The following AMPD1 variants were observed in gnomAD, a reference collection of about 807,000 sequenced individuals.
AMPD1 encodes the protein AMP deaminase 1.
AMPD1 carries 74 observed loss-of-function variants against 82.9 expected under a neutral mutation model. The ratio of observed to expected loss-of-function variants is 0.89; its 90% CI spans 0.74 to 1.08. The LOEUF (loss-of-function observed/expected upper bound fraction) is 1.08. Among genes scored for constraint, AMPD1 ranks in the 50% least tolerant of loss-of-function variants. AMPD1 has a pLI of 0.00. For synonymous variants in AMPD1, 333 were observed against 320.5 expected (o/e 1.04, Z -0.42); for missense variants, 881 against 924.5 (o/e 0.95, Z 0.61).
rs1191384329 is a variant in AMPD1, at chr1:114,674,780, T to G, written c.1772A>C (p.Asp591Ala). The change falls in exon 13 of 16, where the codon GAT becomes GCT. Residue 591 changes from aspartate (D) to alanine (A), a missense_variant. Physicochemically the swap from Asp to Ala is moderately radical, Grantham distance 126. This residue lies in a region of AMPD1 where 783 missense variants were observed against 786.4 expected (regional missense o/e 1.00). Transcript: ENST00000520113. ...TTTTAAATTTAGGCCATGAGAGATA[T>G]CATCTGCTATCATGAATGCTGTCAT... Reference protein sequence around the residue: ...HLMTAFMIADDISHGLNLKKS... With the variant: ...HLMTAFMIADAISHGLNLKKS... The G allele has an allele frequency of 3.7e-6, 6 of 1,613,590 alleles. No individual in the cohort carries two copies. The highest frequency in any genetic ancestry group is 5.1e-6 in the Non-Finnish European group (6 of 1,179,502).
intron 8 of AMPD1, 64 bp downstream of exon 8, chr1:114,678,269 G>A: frequency 6.4e-7 from 1 of 1,573,888 alleles, no homozygotes; most frequent in Non-Finnish European, 8.7e-7. Context: ...GGGAGGGCTT[G>A]TAGGAGAAAG....
chr1:114,677,620 G>A (rs1658027675), intron 9 of AMPD1, 106 bp from the exon 10 acceptor site: 1 of 1,477,030 alleles, frequency 6.8e-7, no homozygotes, highest in Non-Finnish European at 9.3e-7. Flanking sequence ...AATCTGAAAA[G>A]GCTAGGTCCT....
chr1:114,688,056 C>A (rs1658371418), intron 3 of AMPD1, among the ~76,000 whole-genome samples: 1 of 152,066 alleles, frequency 6.6e-6, no homozygotes, highest in Non-Finnish European at 1.5e-5. Context: ...AGATAGGAGG[C>A]CCACTGCTTT....
intron 5 of AMPD1, among the ~76,000 whole-genome samples, chr1:114,682,417 C>T (rs3789627): frequency 0.072 from 10,905 of 151,958 alleles, 1,033 homozygotes; most frequent in East Asian, 0.46. Flanking sequence ...GAAATAAAGA[C>T]AAGACAAACT....
chr1:114,692,753 ATTTT>A (rs10611520), intron 2 of AMPD1, among the ~76,000 whole-genome samples: 11 of 141,000 alleles, frequency 7.8e-5, no homozygotes, highest in Non-Finnish European at 1.1e-4. Context: ...ATGAACAACA[ATTTT>A]TTTTTTTTTT....
chr1:114,684,366 T>C lies in AMPD1; in HGVS notation c.382-2A>G. ...AATTTCAAAATCTTCAACTGTAACC[T>C]GCCAAAAAAAAAAAAGTCAGCATAT... On this transcript the variant is annotated splice_acceptor_variant, in intron 4 of 15. Transcript: ENST00000520113. LOFTEE classifies it high-confidence loss of function. 1 of 1,608,052 alleles carries C rather than the reference T, an allele frequency of 6.2e-7. No individual in the cohort carries two copies.
rs746816406 is a variant in AMPD1, at chr1:114,675,692, A to T, written c.1517T>A (p.Ile506Asn). 3.7e-6 allele frequency: 6 copies of T among 1,614,040 alleles called. No individual in the cohort carries two copies. In the African/African-American group the frequency reaches 5.3e-5, roughly 14 times the overall value. ...ATCATCCACACTGTCAAAGCCAGTGATCTGTTAGGAAAAGTGAGCCATGCA... is the reference window on the plus strand; with the variant it reads ...ATCATCCACACTGTCAAAGCCAGTGTTCTGTTAGGAAAAGTGAGCCATGCA... ...DPELSVFLKHITGFDSVDDES... is the reference protein window; with the variant it reads ...DPELSVFLKHNTGFDSVDDES... Residue 506 changes from isoleucine to asparagine, a missense_variant and splice_region_variant, in exon 12 of 16, where the codon ATC (isoleucine) becomes AAC (asparagine). Transcript: ENST00000520113.
intron 2 of AMPD1, 41 bp downstream of exon 2, chr1:114,693,395 G>C (rs1439279762): frequency 6.3e-7 from 1 of 1,593,308 alleles, no homozygotes; most frequent in Non-Finnish European, 8.6e-7. Flanking sequence ...TTTTTAAATT[G>C]ATACTCTGAC....
At chr1:114,687,925 G>A (rs1217912766) in intron 3 of AMPD1, among the ~76,000 whole-genome samples, 2 of 152,128 alleles carry the variant, frequency 1.3e-5, no homozygotes, top group Non-Finnish European at 2.9e-5. Flanking sequence ...TTACCATTGT[G>A]TGTAAATTGA....
At chr1:114,676,276 T>C (rs1657978620) in intron 10 of AMPD1, 2 of 419,760 alleles carry the variant, frequency 4.8e-6, no homozygotes, top group South Asian at 2.2e-5. Context: ...CACAGCTAAG[T>C]CCTCATAGAG....
Position 114,673,936 on chromosome 1 carries a change from A to G in AMPD1, c.1947T>C (p.Asp649=), listed in dbSNP as rs34287100. The G allele has an allele frequency of 9.6e-4, 1,556 of 1,614,134 alleles. 13 individuals carry two copies. In the African/African-American group the frequency reaches 0.018, roughly 18 times the overall value. ...TGGTAAAGTGGAATTGCATTGGGTC[A>G]TCTGTAGACAGTGAGATCATTAGCC... is the stretch of plus-strand genomic sequence containing the variant. The part of the protein sequence containing the change: ...QKGLMISLST[D]DPMQFHFTKE... The change falls in exon 14 of 16, where the codon GAT becomes GAC. Residue 649 remains aspartate, a synonymous_variant. Transcript: ENST00000520113.
At chr1:114,680,976 G>C (rs903357668) in intron 5 of AMPD1, among the ~76,000 whole-genome samples, 1 of 151,978 alleles carries the variant, frequency 6.6e-6, no homozygotes, top group Non-Finnish European at 1.5e-5. Context: ...TCAAAAAAAA[G>C]AAAAATAAAA....
chr1:114,677,406 A>T lies in AMPD1; in HGVS notation c.1333T>A (p.Cys445Ser). The T allele has an allele frequency of 6.2e-7, 1 of 1,611,586 alleles. No homozygotes were observed. Residue 445 changes from cysteine to serine, a missense_variant, in exon 10 of 16, where the codon TGC becomes AGC. This residue lies in a region of AMPD1 where 783 missense variants were observed against 786.4 expected (regional missense o/e 1.00). Transcript: ENST00000520113. ...ATGTTGGGGCAGTGGATGCGATTGCAGACGAACCAGGAGGAGAGTTTGCTC... is the reference window on the plus strand; with the variant it reads ...ATGTTGGGGCAGTGGATGCGATTGCTGACGAACCAGGAGGAGAGTTTGCTC... ...EWSKLSSWFVCNRIHCPNMTW... is the reference protein window; with the variant it reads ...EWSKLSSWFVSNRIHCPNMTW...
At chr1:114,677,201 C>CA in intron 10 of AMPD1, 150 bp downstream of exon 10, 4 of 1,052,042 alleles carry the variant, frequency 3.8e-6, no homozygotes, top group Non-Finnish European at 4.2e-6. Flanking sequence ...CCAGAGTGGA[C>CA]AAAACCAAGC....
chr1:114,678,245 G>A, intron 8 of AMPD1, 88 bp downstream of exon 8: 1 of 1,532,192 alleles, frequency 6.5e-7, no homozygotes, highest in East Asian at 2.3e-5. Context: ...AGATGGTTAA[G>A]AGACCTCTGA....
At chr1:114,685,664 T>C (rs1462821213) in intron 4 of AMPD1, among the ~76,000 whole-genome samples, 1 of 152,172 alleles carries the variant, frequency 6.6e-6, no homozygotes, top group East Asian at 1.9e-4. Context: ...AACTTCTTTG[T>C]TTTTATTCTT....
In AMPD1 at chr1:114,684,317, T is replaced by G; in HGVS notation, c.429A>C (p.Ala143=). ...GCATGTATTTCTCACGTATGCATAG[T>G]GCCCGATACAGACCTTTGCAAACAA... ...FEIVCKGLYR[A]LCIREKYMQK... Residue 143 remains alanine (A), a synonymous_variant, in exon 5 of 16, where the codon GCA becomes GCC. Coordinates refer to ENST00000520113, the MANE Select transcript of AMPD1 (RefSeq NM_000036.3). 6.2e-7 allele frequency: 1 copy of G among 1,613,936 alleles called. No individual in the cohort carries two copies.
At position 114,674,050 on chromosome 1, in the gene AMPD1, G is replaced by A; in HGVS notation, c.1833C>T (p.Ala611=). 6.2e-7 allele frequency: 1 copy of A among 1,613,800 alleles called. No individual in the cohort carries two copies. Among genetic ancestry groups the A allele is most frequent in the South Asian group, 1.1e-5 (1 of 91,066 alleles). ...SPVLQYLFFL[A]QIPIAMSPLS... ...GTGGTGACATGGCGATGGGAATTTG[G>A]GCTAAGAAAAACAAGTACTGTAGCA... The change falls in exon 14 of 16, where the codon GCC becomes GCT. Residue 611 remains alanine, a synonymous_variant. Transcript: ENST00000520113.
intron 4 of AMPD1, among the ~76,000 whole-genome samples, chr1:114,685,475 G>C (rs1400541204): frequency 1.3e-5 from 2 of 152,098 alleles, no homozygotes; most frequent in East Asian, 3.8e-4. Flanking sequence ...GACTAATTTG[G>C]GTACAGACTA....
Sources: allele counts gnomAD v4.1 joint callset (sites outside exome capture counted in the v4.1 genomes callset), GRCh38; gene constraint gnomAD v4.1.1; regional missense constraint gnomAD v4.1.1; transcripts MANE v1.5; gene names NCBI Gene and HGNC (gene_info 2026-07-23, HGNC 2026-07-21).